Variants in PHF13 observed in about 807,000 individuals in gnomAD.
PHF13 encodes PHD zinc finger protein PHF5.
In PHF13, 1 loss-of-function variant was observed where a neutral mutation model predicts 25.8. The observed-to-expected ratio is 0.04, with a 90% confidence interval of 0.01 to 0.18. PHF13 has a LOEUF of 0.18. PHF13 is among the 10% of genes least tolerant of loss of function. The pLI, the probability that PHF13 is intolerant of heterozygous loss-of-function variation, is 1.00. For missense variants in PHF13, 306 were observed against 403.2 expected (o/e 0.76, Z 2.06); for synonymous variants, 195 against 162.4 (o/e 1.20, Z -1.53).
chr1:6,617,813 G>A (rs1641283616), intron 2 of PHF13, among the ~76,000 whole-genome samples: 1 of 152,196 alleles, frequency 6.6e-6, no homozygotes, highest in African/African-American at 2.4e-5. Context: ...ATGCTATGAG[G>A]TAGGTGCTAT....
In PHF13 at chr1:6,620,276, G is replaced by A; in HGVS notation, c.615G>A (p.Lys205=). 6.2e-7 allele frequency: 1 copy of A among 1,613,912 alleles called. No homozygotes were observed. The highest frequency in any genetic ancestry group is 8.5e-7 in the Non-Finnish European group (1 of 1,180,008). ...AACGGACTATCGTCCGGCAGGGAAA[G>A]CAGGTGGTGTTCCGAGATGAGGACA... ...EGKRTIVRQG[K]QVVFRDEDST... Residue 205 remains lysine (K), a synonymous_variant, in exon 3 of 4, where the codon AAG becomes AAA. Transcript: ENST00000377648.
In PHF13 at chr1:6,621,065, G is replaced by T. The variant is rs1641331791; in HGVS notation, c.677-346G>T. Among the ~76,000 whole-genome samples, 1 of 151,674 alleles carries T rather than the reference G, an allele frequency of 6.6e-6. No individual in the cohort carries two copies. The highest frequency in any genetic ancestry group is 2.4e-5 in the African/African-American group (1 of 41,302). ...AAAAAAACAATAGTCGAGTGTGGTGGTGTGTGCCTGTAGTCCCAGCTATTT... is the reference window on the plus strand; with the variant it reads ...AAAAAAACAATAGTCGAGTGTGGTGTTGTGTGCCTGTAGTCCCAGCTATTT... On this transcript the variant is annotated intron_variant, in intron 3 of 3. Coordinates refer to ENST00000377648, the MANE Select transcript of PHF13 (RefSeq NM_153812.3). This position sits in a 1 kb window ranked among gnomAD's most constrained non-coding sequence, Gnocchi z 4.8.
Position 6,621,382 on chromosome 1 carries a change from TC to T in PHF13, c.677-26del. Reference sequence around the variant, plus strand: ...GGCGAGGAATGATGGGAATTTCTCTTCCCTCCTTGAGAGTATCTTTCCTTCC... The same window carrying T: ...GGCGAGGAATGATGGGAATTTCTCTTCCTCCTTGAGAGTATCTTTCCTTCC... On this transcript the variant is annotated intron_variant, in intron 3 of 3. Transcript: ENST00000377648. This position sits in a 1 kb window ranked among gnomAD's most constrained non-coding sequence, Gnocchi z 4.8. The T allele has an allele frequency of 6.2e-7, 1 of 1,608,892 alleles. No homozygotes were observed. The highest frequency in any genetic ancestry group is 1.3e-5 in the African/African-American group (1 of 74,724).
chr1:6,615,771 G>C (rs1170337989), intron 1 of PHF13, among the ~76,000 whole-genome samples: 2 of 152,148 alleles, frequency 1.3e-5, no homozygotes, highest in African/African-American at 4.8e-5. Context: ...GGTGTTTCTA[G>C]ATGGAATGGG....
At position 6,622,934 on chromosome 1, in the gene PHF13, T is replaced by A. The variant is rs1641362586; in HGVS notation, c.*1297T>A. 1 of 152,270 alleles carries A rather than the reference T, an allele frequency of 6.6e-6. No individual in the cohort carries two copies. Among genetic ancestry groups the A allele is most frequent in the Non-Finnish European group, 1.5e-5 (1 of 68,054 alleles). The allele number at this position is 152,270 out of a possible 1,614,324, so 9.4% of individuals were successfully genotyped here. A position where few individuals can be genotyped will look rare whatever the true frequency, so the allele number is the denominator to read the frequency against. ...GGGAGGGAGAGGGGCTCCGGCTTTCTCTGAAATGAACACTGCTCTTCAGCA... is the reference window on the plus strand; with the variant it reads ...GGGAGGGAGAGGGGCTCCGGCTTTCACTGAAATGAACACTGCTCTTCAGCA... On this transcript the variant is annotated 3_prime_UTR_variant, in exon 4 of 4. Transcript: ENST00000377648.
intron 2 of PHF13, among the ~76,000 whole-genome samples, chr1:6,618,107 C>T (rs572252727): frequency 2.0e-4 from 30 of 151,622 alleles, no homozygotes; most frequent in African/African-American, 5.3e-4. Flanking sequence ...AGGCCTCTTT[C>T]GTATTCGATT....
chr1:6,615,644 A>G (rs1280200789), intron 1 of PHF13, among the ~76,000 whole-genome samples: 1 of 152,066 alleles, frequency 6.6e-6, no homozygotes, highest in East Asian at 1.9e-4. Context: ...ACTGAAAGGA[A>G]CCTCAGGGAA....
Position 6,619,803 on chromosome 1 carries a change from G to C in PHF13, c.142G>C (p.Glu48Gln). ...GAATCTGCCACCTTTGTCTTTTTAGGAACTCCCTTTAAGGAGCAGCCCCAG... is the reference window on the plus strand; with the variant it reads ...GAATCTGCCACCTTTGTCTTTTTAGCAACTCCCTTTAAGGAGCAGCCCCAG... ...YAGYIPYPKE[E>Q]LPLRSSPSPA... Residue 48 changes from glutamate (E) to glutamine (Q), a missense_variant and splice_region_variant, in exon 3 of 4, where the codon GAA becomes CAA. Coordinates refer to ENST00000377648, the MANE Select transcript of PHF13 (RefSeq NM_153812.3). 6.3e-7 allele frequency: 1 copy of C among 1,583,300 alleles called. No homozygotes were observed. Among genetic ancestry groups the C allele is most frequent in the African/African-American group, 1.4e-5 (1 of 73,850 alleles).
chr1:6,614,643 A>G (rs1448367611), intron 1 of PHF13: 1 of 136,908 alleles, frequency 7.3e-6, no homozygotes, highest in African/African-American at 2.8e-5. Context: ...CCCGCCCCCT[A>G]CGGCTCTCGG....
rs750337871 is a variant in PHF13 at position 6,620,358 on chromosome 1, G to C, written c.676+21G>C. ...CTCAGGTGAGTGGTCCCTGAAGGAT[G>C]ATGACCCTTGTTGGCTTGTGGTTAG... is the stretch of plus-strand genomic sequence containing the variant. On this transcript the variant is annotated intron_variant, in intron 3 of 3. Coordinates refer to ENST00000377648, the MANE Select transcript of PHF13 (RefSeq NM_153812.3). The C allele has an allele frequency of 8.4e-5, 134 of 1,600,438 alleles. 5 individuals carry two copies. The South Asian group carries it at 1.4e-3, about 17-fold the overall frequency.
Position 6,621,701 on chromosome 1 carries a change from C to T in PHF13, c.*64C>T. ...AGCGACCGCGGGCTTTTTTGCCCTT[C>T]TCTTAGTTGAGCACAGAACCCTCAG... is the stretch of plus-strand genomic sequence containing the variant. On this transcript the variant is annotated 3_prime_UTR_variant, in exon 4 of 4. Coordinates refer to ENST00000377648, the MANE Select transcript of PHF13 (RefSeq NM_153812.3). The surrounding 1 kb of genome is among the most constrained non-coding windows in gnomAD (Gnocchi z 4.8). The T allele has an allele frequency of 1.3e-6, 2 of 1,513,728 alleles. No individual in the cohort carries two copies. Among genetic ancestry groups the T allele is most frequent in the Non-Finnish European group, 1.8e-6 (2 of 1,097,968 alleles). 93.8% of individuals were successfully genotyped at this position (1,513,728 alleles called of 1,614,324 possible). A position where few individuals can be genotyped will look rare whatever the true frequency, so the allele number is the denominator to read the frequency against.
rs1641320451 is a variant in PHF13 at position 6,620,348 on chromosome 1, C to T, written c.676+11C>T. The T allele has an allele frequency of 1.2e-6, 2 of 1,604,840 alleles. No individual in the cohort carries two copies. The highest frequency in any genetic ancestry group is 1.1e-5 in the South Asian group (1 of 90,144). The stretch of plus-strand genomic sequence containing the variant: ...TCATGGTGGACTCAGGTGAGTGGTC[C>T]CTGAAGGATGATGACCCTTGTTGGC... On this transcript the variant is annotated intron_variant, in intron 3 of 3. Coordinates refer to ENST00000377648, the MANE Select transcript of PHF13 (RefSeq NM_153812.3).
At chr1:6,617,164 G>C (rs1415859195) in intron 2 of PHF13, among the ~76,000 whole-genome samples, 3 of 152,106 alleles carry the variant, frequency 2.0e-5, no homozygotes, top group Non-Finnish European at 4.4e-5. Flanking sequence ...GTGCAGTGTC[G>C]TAAAACTCCA....
In PHF13 at chr1:6,619,937, C is replaced by A; in HGVS notation, c.276C>A (p.His92Gln). ...PLPVSDRCFS[H>Q]LQPTLLQRAK... ...CAGTCTCTGACCGCTGCTTTAGCCA[C>A]CTGCAGCCTACTCTCTTGCAGCGAG... Residue 92 changes from histidine (H) to glutamine (Q), a missense_variant, in exon 3 of 4, where the codon CAC (histidine) becomes CAA (glutamine). Around this residue, in one of 5 missense-constraint regions of PHF13, gnomAD observed 186 missense variants for 164.0 expected, o/e 1.13. Transcript: ENST00000377648. The A allele has an allele frequency of 1.2e-6, 2 of 1,613,966 alleles. No homozygotes were observed. Among genetic ancestry groups the A allele is most frequent in the Non-Finnish European group, 1.7e-6 (2 of 1,180,008 alleles).
rs756642889 is a variant in PHF13, at chr1:6,621,511, C to A, written c.777C>A (p.Ser259=). The stretch of plus-strand genomic sequence containing the variant: ...AGTGCCACACCTGGATTCACCTGTC[C>A]TGTGCGAAAATCCGGAAATCCAATG... ...CNECHTWIHL[S]CAKIRKSNVP... Residue 259 remains serine, a synonymous_variant, in exon 4 of 4, where the codon TCC becomes TCA. Coordinates refer to ENST00000377648, the MANE Select transcript of PHF13 (RefSeq NM_153812.3). This position sits in a 1 kb window ranked among gnomAD's most constrained non-coding sequence, Gnocchi z 4.8. The A allele has an allele frequency of 1.2e-6, 2 of 1,614,032 alleles. No homozygotes were observed. The highest frequency in any genetic ancestry group is 1.3e-5 in the African/African-American group (1 of 74,910).
chr1:6,613,968 T>G lies in PHF13; in HGVS notation c.-99T>G, dbSNP rs1279448611. 2.0e-5 allele frequency: 16 copies of G among 795,044 alleles called. No homozygotes were observed. The highest frequency in any genetic ancestry group is 3.8e-5 in the African/African-American group (2 of 53,078). 49.2% of individuals were successfully genotyped at this position (795,044 alleles called of 1,614,324 possible). On this transcript the variant is annotated 5_prime_UTR_variant, in exon 1 of 4. Coordinates refer to ENST00000377648, the MANE Select transcript of PHF13 (RefSeq NM_153812.3). ...CGGGCGACCCCTCCCGGGTCCGCCC[T>G]CGCCCTGCGCAGCCGCCCGAGCCCC...
At position 6,614,093 on chromosome 1, in the gene PHF13, C is replaced by T. The variant is rs779812162; in HGVS notation, c.27C>T (p.Ala9=). The change falls in exon 1 of 4, where the codon GCC becomes GCT. Residue 9 remains alanine (A), a synonymous_variant. Transcript: ENST00000377648. ...TGGACTCTGACTCTTGCGCCGCCGC[C>T]TTCCACCCGGAGGTGAGTGAAGCTG... MDSDSCAA[A]FHPEEYSPSC... is the part of the protein sequence containing the mutation. The T allele has an allele frequency of 3.2e-5, 51 of 1,600,652 alleles. No homozygotes were observed. The highest frequency in any genetic ancestry group is 3.9e-5 in the Non-Finnish European group (46 of 1,175,070).
At position 6,622,427 on chromosome 1, in the gene PHF13, A is replaced by C. The variant is rs901376025; in HGVS notation, c.*790A>C. 4 of 151,588 alleles carry C rather than the reference A, an allele frequency of 2.6e-5. No individual in the cohort carries two copies. Among genetic ancestry groups the C allele is most frequent in the African/African-American group, 4.9e-5 (2 of 40,998 alleles). 9.4% of individuals were successfully genotyped at this position (151,588 alleles called of 1,614,324 possible). Reference sequence around the variant, plus strand: ...CTGATTTCTTGCTGAGTGCCCTCTTAGTTGGTGTGTGAGGTCTTGGTGGGC... The same window carrying C: ...CTGATTTCTTGCTGAGTGCCCTCTTCGTTGGTGTGTGAGGTCTTGGTGGGC... On this transcript the variant is annotated 3_prime_UTR_variant, in exon 4 of 4. Coordinates refer to ENST00000377648, the MANE Select transcript of PHF13 (RefSeq NM_153812.3).
Position 6,622,171 on chromosome 1 carries a change from TG to T in PHF13, c.*539del. 1 of 169,568 alleles carries T rather than the reference TG, an allele frequency of 5.9e-6. No homozygotes were observed. The highest frequency in any genetic ancestry group is 1.3e-5 in the Non-Finnish European group (1 of 76,412). The allele number at this position is 169,568 out of a possible 1,614,324, so 10.5% of individuals were successfully genotyped here. On this transcript the variant is annotated 3_prime_UTR_variant, in exon 4 of 4. Transcript: ENST00000377648. ...CTGCCTCAGCTGCTGCCTGACCGGC[TG>T]GGGGAGGCACTGGCGGGAGGCCTCG... is the stretch of plus-strand genomic sequence containing the variant.
Sources: gnomAD v4.1 joint callset for allele counts (sites outside exome capture counted in the v4.1 genomes callset) on GRCh38, gnomAD v4.1.1 for gene constraint, gnomAD v4.1.1 regional missense constraint, Gnocchi (gnomAD v3.1) non-coding constraint, MANE v1.5 for transcripts, NCBI Gene and HGNC (gene_info 2026-07-23, HGNC 2026-07-21) for gene names.